Variants in USP31 observed in about 807,000 individuals in gnomAD.
The protein encoded by USP31 is ubiquitin carboxyl-terminal hydrolase 31.
In USP31, 44 loss-of-function variants were observed where a neutral mutation model predicts 119.4. The observed-to-expected ratio is 0.37, with a 90% CI of 0.29 to 0.47. USP31 has a LOEUF of 0.47. Among genes scored for constraint, USP31 ranks in the 20% least tolerant of loss-of-function variants. The pLI is 0.99. For missense variants in USP31, 1,643 were observed against 1,730.2 expected (o/e 0.95, Z 0.89); for synonymous variants, 749 against 705.6 (o/e 1.06, Z -0.97).
intron 1 of USP31, among the ~76,000 whole-genome samples, chr16:23,112,358 C>T (rs890219931): frequency 6.6e-6 from 1 of 152,054 alleles, no homozygotes; most frequent in East Asian, 1.9e-4. Context: ...ACAGGTGGAT[C>T]ACGTGAGGTC....
At chr16:23,103,148 G>A (rs771925418) in intron 5 of USP31, among the ~76,000 whole-genome samples, 3 of 152,080 alleles carry the variant, frequency 2.0e-5, no homozygotes, top group South Asian at 2.1e-4. Flanking sequence ...TCTAACCTCC[G>A]TTTCACTGAA....
At chr16:23,137,474 A>G (rs960669228) in intron 1 of USP31, among the ~76,000 whole-genome samples, 7 of 152,170 alleles carry the variant, frequency 4.6e-5, no homozygotes, top group Non-Finnish European at 1.0e-4. Context: ...AACTCAAACA[A>G]GAACATTTGT....
chr16:23,103,115 A>C (rs938893235), intron 5 of USP31, among the ~76,000 whole-genome samples: 3 of 152,204 alleles, frequency 2.0e-5, no homozygotes, highest in Non-Finnish European at 2.9e-5. Context: ...TTTAGTGTAG[A>C]AGAGAACCAG....
At chr16:23,079,678 G>A (rs925420483) in intron 13 of USP31, 3 of 335,540 alleles carry the variant, frequency 8.9e-6, no homozygotes, top group African/African-American at 6.4e-5. Flanking sequence ...TAAACAAAGA[G>A]CAAATCCTCA....
chr16:23,131,116 T>G (rs1274201735), intron 1 of USP31, among the ~76,000 whole-genome samples: 1 of 152,020 alleles, frequency 6.6e-6, no homozygotes, highest in African/African-American at 2.4e-5. Flanking sequence ...TTGAGACCAG[T>G]CTGGGCAACA....
At chr16:23,110,281 T>C (rs1902264218) in intron 1 of USP31, among the ~76,000 whole-genome samples, 1 of 152,172 alleles carries the variant, frequency 6.6e-6, no homozygotes, top group Non-Finnish European at 1.5e-5. Context: ...GGGAAAAGAA[T>C]AGAGGCTAAT....
In USP31 at chr16:23,062,014, T is replaced by C. The variant is rs577801234; in HGVS notation, c.*6032A>G. On this transcript the variant is annotated 3_prime_UTR_variant, in exon 16 of 16. Coordinates refer to ENST00000219689, the MANE Select transcript of USP31 (RefSeq NM_020718.4). ...TGGTATGACACCACACCGTTTATAA[T>C]AGCACCTAGGAAATTTCATATTGCA... The C allele has an allele frequency of 2.0e-5, 3 of 152,812 alleles. No homozygotes were observed. Among genetic ancestry groups the C allele is most frequent in the Admixed American group, 6.5e-5 (1 of 15,308 alleles). 9.5% of individuals were successfully genotyped at this position (152,812 alleles called of 1,614,324 possible). A position where few individuals can be genotyped will look rare whatever the true frequency, so the allele number is the denominator to read the frequency against.
intron 15 of USP31, among the ~76,000 whole-genome samples, chr16:23,071,420 G>A (rs1380365265): frequency 6.7e-6 from 1 of 148,688 alleles, no homozygotes; most frequent in Non-Finnish European, 1.5e-5. Context: ...GGTCCCTGTC[G>A]AAACTAAGGT....
chr16:23,142,486 C>A (rs118151956), intron 1 of USP31, among the ~76,000 whole-genome samples: 11 of 152,182 alleles, frequency 7.2e-5, no homozygotes, highest in South Asian at 2.1e-4. Context: ...TATGTTGAGA[C>A]CTGTCGTTTC....
rs1480758790 is a variant in USP31, at chr16:23,069,269, C to A, written c.2836G>T (p.Glu946Ter). The change falls in exon 16 of 16, where the codon GAA becomes TAA. Residue 946 changes from glutamate (E) to a stop codon, truncating the protein, a stop_gained. Transcript: ENST00000219689. LOFTEE classifies it high-confidence loss of function. ...AVGRAPLAVM[E>*]GVFKDESDTR... ...TCCGATTCGTCTTTGAACACGCCTTCCATGACAGCCAGAGGGGCCCGGCCC... is the reference window on the plus strand; with the variant it reads ...TCCGATTCGTCTTTGAACACGCCTTACATGACAGCCAGAGGGGCCCGGCCC... The A allele has an allele frequency of 6.2e-7, 1 of 1,613,152 alleles. No individual in the cohort carries two copies. Among genetic ancestry groups the A allele is most frequent in the East Asian group, 2.2e-5 (1 of 44,900 alleles).
intron 12 of USP31, 55 bp downstream of exon 12, chr16:23,082,383 G>A: frequency 6.2e-7 from 1 of 1,606,246 alleles, no homozygotes; most frequent in Non-Finnish European, 8.5e-7. Flanking sequence ...ATCAGCAGGG[G>A]GCATAAGAAA....
intron 6 of USP31, among the ~76,000 whole-genome samples, chr16:23,100,947 C>T (rs1382968721): frequency 2.0e-5 from 3 of 151,818 alleles, no homozygotes; most frequent in East Asian, 3.9e-4. Context: ...AGAGAAGAAC[C>T]GAGGAAGGAG....
intron 1 of USP31, among the ~76,000 whole-genome samples, chr16:23,124,985 T>C (rs1456497763): frequency 3.9e-5 from 6 of 152,130 alleles, no homozygotes; most frequent in Non-Finnish European, 7.4e-5. Context: ...AGTGAAAGTG[T>C]AGAGGTGGAA....
chr16:23,084,795 A>C (rs1481578231), intron 11 of USP31, 65 bp downstream of exon 11: 11 of 1,592,348 alleles, frequency 6.9e-6, no homozygotes, highest in Non-Finnish European at 9.4e-6. Flanking sequence ...TTTCTCCACT[A>C]TCACCTTGCC....
chr16:23,103,868 T>C (rs777496479), intron 5 of USP31, among the ~76,000 whole-genome samples: 3 of 152,104 alleles, frequency 2.0e-5, no homozygotes, highest in Non-Finnish European at 4.4e-5. Flanking sequence ...TGAGCCATGA[T>C]CACACCAATG....
intron 1 of USP31, among the ~76,000 whole-genome samples, chr16:23,121,765 T>A (rs1352263297): frequency 6.6e-6 from 1 of 152,126 alleles, no homozygotes; most frequent in East Asian, 1.9e-4. Flanking sequence ...TACCACACAT[T>A]CTTAACAATG....
chr16:23,098,463 G>A lies in USP31; in HGVS notation c.1234+3856C>T, dbSNP rs955257592. Among the ~76,000 whole-genome samples, 3 of 151,992 alleles carry A rather than the reference G, an allele frequency of 2.0e-5. No homozygotes were observed. In the East Asian group the frequency reaches 5.8e-4, roughly 29 times the overall value. On this transcript the variant is annotated intron_variant, in intron 6 of 15. Transcript: ENST00000219689. ...ACCAATGACTTTCTTCACAGAATTG[G>A]AAAAAACTACTTCAAAGTTCATATG...
At chr16:23,079,358 A>C (rs576950614) in intron 13 of USP31, 1 of 152,346 alleles carries the variant, frequency 6.6e-6, no homozygotes, top group East Asian at 1.9e-4. Context: ...TGACAAGGTC[A>C]ATTTAACCTT....
chr16:23,068,776 G>A lies in USP31; in HGVS notation c.3329C>T (p.Pro1110Leu). The change falls in exon 16 of 16, where the codon CCT (proline) becomes CTT (leucine). Residue 1110 changes from proline to leucine, a missense_variant. Physicochemically the swap from Pro to Leu is moderately conservative, Grantham distance 98. This residue lies in a region of USP31 where 699 missense variants were observed against 650.9 expected (regional missense o/e 1.07). Coordinates refer to ENST00000219689, the MANE Select transcript of USP31 (RefSeq NM_020718.4). ...GGCTGACTTCTGCTTCTGTGGCGAA[G>A]GAGATGACACGGAGTCCTGAGATTT... ...SPKSQDSVSS[P>L]SPQKQKSASA... 6.3e-7 allele frequency: 1 copy of A among 1,576,074 alleles called. No individual in the cohort carries two copies. The highest frequency in any genetic ancestry group is 8.6e-7 in the Non-Finnish European group (1 of 1,163,282).
Sources: gnomAD v4.1 joint callset for allele counts (sites outside exome capture counted in the v4.1 genomes callset) on GRCh38, gnomAD v4.1.1 for gene constraint, gnomAD v4.1.1 regional missense constraint, MANE v1.5 for transcripts, NCBI Gene and HGNC (gene_info 2026-07-23, HGNC 2026-07-21) for gene names.